The following BMAL1 variants were observed in gnomAD, a reference collection of about 807,000 sequenced individuals.
BMAL1 encodes basic helix-loop-helix ARNT-like protein 1.
chr11:13,381,337 A>G, the BMAL1 span: 3 of 1,322,606 alleles, frequency 2.3e-6, no homozygotes, highest in Non-Finnish European at 2.2e-6. Context: ...TGGAATTGCA[A>G]CTGCGATTGC....
chr11:13,340,923 A>T, the BMAL1 span, among the ~76,000 whole-genome samples: 1 of 151,964 alleles, frequency 6.6e-6, no homozygotes, highest in African/African-American at 2.4e-5. Flanking sequence ...CGGGGAATCC[A>T]CCCCTTTCAC....
chr11:13,319,203 T>G, the BMAL1 span, among the ~76,000 whole-genome samples: 2 of 152,258 alleles, frequency 1.3e-5, no homozygotes, highest in East Asian at 3.8e-4. Flanking sequence ...TTTTAAAAGT[T>G]GTACTCCATG....
At chr11:13,329,826 CGG>C in the BMAL1 span, among the ~76,000 whole-genome samples, 38,383 of 151,944 alleles carry the variant, frequency 0.25, 5,061 homozygotes, top group East Asian at 0.45. Flanking sequence ...GGCTGGGCAA[CGG>C]TGATCCAAAC....
At chr11:13,357,160 G>A in the BMAL1 span, 1 of 1,600,054 alleles carries the variant, frequency 6.2e-7, no homozygotes, top group East Asian at 2.2e-5. This position sits in a 1 kb window ranked among gnomAD's most constrained non-coding sequence, Gnocchi z 4.8. Flanking sequence ...GAGCAGCTGA[G>A]GAGGCTCTGC....
chr11:13,301,176 C>G, the BMAL1 span, among the ~76,000 whole-genome samples: 5 of 152,192 alleles, frequency 3.3e-5, no homozygotes, highest in African/African-American at 1.2e-4. Context: ...ACCTCATGAT[C>G]TACCTGCCTC....
the BMAL1 span, among the ~76,000 whole-genome samples, chr11:13,279,688 A>G: frequency 1.3e-5 from 2 of 152,214 alleles, no homozygotes; most frequent in Admixed American, 6.5e-5. Context: ...TACTCAGATC[A>G]TTTTACTGAT....
chr11:13,382,501 G>A, the BMAL1 span, among the ~76,000 whole-genome samples: 1 of 152,072 alleles, frequency 6.6e-6, no homozygotes, highest in African/African-American at 2.4e-5. Context: ...GGTGTCCCGT[G>A]ACCCCCGCCC....
the BMAL1 span, among the ~76,000 whole-genome samples, chr11:13,319,880 A>G: frequency 6.6e-6 from 1 of 152,130 alleles, no homozygotes; most frequent in African/African-American, 2.4e-5. Flanking sequence ...GGCCCCAGAG[A>G]CCTGGGGAGT....
chr11:13,329,888 C>T, the BMAL1 span, among the ~76,000 whole-genome samples: 26 of 152,326 alleles, frequency 1.7e-4, no homozygotes, highest in South Asian at 3.5e-3. Context: ...ATCTGACTCA[C>T]CTGTCATGTC....
the BMAL1 span, among the ~76,000 whole-genome samples, chr11:13,352,011 C>T: frequency 9.9e-4 from 150 of 152,184 alleles, no homozygotes; most frequent in Admixed American, 2.6e-3. Context: ...GATTCAGTAG[C>T]GTGGGGAGAG....
chr11:13,301,754 A>G, the BMAL1 span, among the ~76,000 whole-genome samples: 1 of 152,208 alleles, frequency 6.6e-6, no homozygotes, highest in African/African-American at 2.4e-5. Flanking sequence ...GGAGAGTATC[A>G]GGTGCCAGGC....
chr11:13,300,576 C>G, the BMAL1 span, among the ~76,000 whole-genome samples: 1 of 152,178 alleles, frequency 6.6e-6, no homozygotes, highest in African/African-American at 2.4e-5. Context: ...TTGGAAGGAG[C>G]AATCTACCTG....
At chr11:13,288,420 T>TGGTTCTTTGGTTC in the BMAL1 span, among the ~76,000 whole-genome samples, 1 of 43,592 alleles carries the variant, frequency 2.3e-5, no homozygotes, top group Admixed American at 2.5e-4. Context: ...CTTTCTTTTT[T>TGGTTCTTTGGTTC]TTTCTTTTTT....
At chr11:13,284,612 C>CT in the BMAL1 span, among the ~76,000 whole-genome samples, 625 of 144,062 alleles carry the variant, frequency 4.3e-3, 3 homozygotes, top group African/African-American at 0.014. Flanking sequence ...TGGAAATTGT[C>CT]TTTTTTTTTT....
chr11:13,312,658 C>G, the BMAL1 span, among the ~76,000 whole-genome samples: 1 of 152,228 alleles, frequency 6.6e-6, no homozygotes, highest in Admixed American at 6.5e-5. Flanking sequence ...AAACTCTTGG[C>G]ATTTCTCTCC....
At chr11:13,370,820 G>A in the BMAL1 span, among the ~76,000 whole-genome samples, 275 of 150,534 alleles carry the variant, frequency 1.8e-3, 2 homozygotes, top group African/African-American at 5.9e-3. Context: ...AATATTTAAC[G>A]TGACCATGCA....
At chr11:13,368,093 G>C in the BMAL1 span, among the ~76,000 whole-genome samples, 2 of 152,216 alleles carry the variant, frequency 1.3e-5, no homozygotes, top group Admixed American at 1.3e-4. Flanking sequence ...TTATAGTCTA[G>C]CCTTGGCTTT....
chr11:13,346,811 C>A, the BMAL1 span, among the ~76,000 whole-genome samples: 2 of 152,194 alleles, frequency 1.3e-5, no homozygotes, highest in African/African-American at 4.8e-5. Context: ...GGACCACAGG[C>A]TAGGCTCTCC....
chr11:13,322,987 G>A, the BMAL1 span, among the ~76,000 whole-genome samples: 1 of 150,956 alleles, frequency 6.6e-6, no homozygotes, highest in Admixed American at 6.6e-5. Flanking sequence ...TGTAGAGACA[G>A]CGTCTAGCCA....
Sources: gnomAD v4.1 joint callset for allele counts (sites outside exome capture counted in the v4.1 genomes callset) on GRCh38, gnomAD v4.1.1 for gene constraint, Gnocchi (gnomAD v3.1) non-coding constraint, MANE v1.5 for transcripts, NCBI Gene and HGNC (gene_info 2026-07-23, HGNC 2026-07-21) for gene names.